The following BCL7C variants were observed in gnomAD, a reference collection of about 807,000 sequenced individuals.
BCL7C encodes the protein BAF chromatin remodeling complex subunit BCL7C, also known as B-cell CLL/lymphoma 7 protein family member C.
Under a neutral mutation model 26.2 loss-of-function variants are expected in BCL7C, and 8 were observed. The observed-to-expected ratio is 0.30, with a 90% CI of 0.18 to 0.55. BCL7C has a LOEUF of 0.55. Ranked by LOEUF, BCL7C falls within the 20% of genes least tolerant of loss-of-function variation. BCL7C has a pLI of 0.93. For missense variants in BCL7C, 262 were observed against 298.5 expected, an observed-to-expected ratio of 0.88 and a Z score of 0.90; for synonymous variants, 90 against 116.5, an observed-to-expected ratio of 0.77 and a Z score of 1.47.
chr16:30,847,841 G>T (rs1399307059), intron 5 of BCL7C, among the ~76,000 whole-genome samples: 1 of 151,888 alleles, frequency 6.6e-6, no homozygotes, highest in Non-Finnish European at 1.5e-5. Context: ...CCATGTTTCA[G>T]GGGGACAGAT....
downstream of BCL7C, among the ~76,000 whole-genome samples, chr16:30,885,592 C>T (rs923860759): frequency 2.6e-5 from 4 of 152,032 alleles, no homozygotes; most frequent in African/African-American, 7.3e-5. Context: ...TTAGTAGAGA[C>T]GGAGTTTCAC....
At chr16:30,865,294 C>T (rs1218524019) in intron 5 of BCL7C, among the ~76,000 whole-genome samples, 3 of 152,064 alleles carry the variant, frequency 2.0e-5, no homozygotes, top group Admixed American at 6.5e-5. Flanking sequence ...GCTGACTCCT[C>T]TTTCGGACTC....
chr16:30,840,260 C>T (rs2054594062), intron 5 of BCL7C, among the ~76,000 whole-genome samples: 1 of 141,590 alleles, frequency 7.1e-6, no homozygotes, highest in Non-Finnish European at 1.5e-5. Context: ...CTCTGTCGCT[C>T]AGGCTGGAGT....
chr16:30,866,567 A>G (rs1364561091), intron 5 of BCL7C, among the ~76,000 whole-genome samples: 1 of 144,082 alleles, frequency 6.9e-6, no homozygotes, highest in Non-Finnish European at 1.5e-5. Flanking sequence ...AAATAGCGAG[A>G]CTGTCTGGAA....
intron 5 of BCL7C, among the ~76,000 whole-genome samples, chr16:30,867,469 C>T (rs936298624): frequency 5.3e-5 from 8 of 151,996 alleles, no homozygotes; most frequent in African/African-American, 1.7e-4. Context: ...CCTTGAGATG[C>T]GGGTGGTCTT....
At chr16:30,877,565 G>C (rs533399466) in intron 5 of BCL7C, among the ~76,000 whole-genome samples, 1 of 151,648 alleles carries the variant, frequency 6.6e-6, no homozygotes, top group Non-Finnish European at 1.5e-5. Context: ...TCAGCCTCCC[G>C]AGTAGCTGGG....
intron 5 of BCL7C, among the ~76,000 whole-genome samples, chr16:30,853,943 C>T (rs1260109375): frequency 2.6e-5 from 4 of 152,186 alleles, no homozygotes; most frequent in African/African-American, 9.7e-5. Flanking sequence ...ATGGACCAAC[C>T]TTTTGAGTGT....
At chr16:30,855,957 G>A (rs2054716733) in intron 5 of BCL7C, among the ~76,000 whole-genome samples, 5 of 151,148 alleles carry the variant, frequency 3.3e-5, no homozygotes, top group Admixed American at 2.6e-4. Flanking sequence ...AGCTACTCAG[G>A]AGTCTGATGC....
At chr16:30,843,773 G>A (rs927655999) in intron 5 of BCL7C, among the ~76,000 whole-genome samples, 2 of 151,394 alleles carry the variant, frequency 1.3e-5, no homozygotes, top group Non-Finnish European at 2.9e-5. Context: ...GGCACTGTGG[G>A]TCATGCCTGT....
chr16:30,843,217 C>T (rs1475538862), intron 5 of BCL7C, among the ~76,000 whole-genome samples: 1 of 152,186 alleles, frequency 6.6e-6, no homozygotes, highest in Non-Finnish European at 1.5e-5. Context: ...ATGAGAGATA[C>T]TCCAGGAGGT....
chr16:30,888,493 C>T (rs779529023), intron 5 of BCL7C, among the ~76,000 whole-genome samples: 73 of 152,166 alleles, frequency 4.8e-4, no homozygotes, highest in Non-Finnish European at 7.9e-4. Flanking sequence ...CGTGCCACCA[C>T]GCCCGGCTAA....
intron 5 of BCL7C, among the ~76,000 whole-genome samples, chr16:30,871,519 C>T (rs902541745): frequency 6.6e-6 from 1 of 152,078 alleles, no homozygotes; most frequent in Non-Finnish European, 1.5e-5. Flanking sequence ...GAGTCTCACT[C>T]TGTCGCCCAG....
chr16:30,884,310 G>T (rs965829952), downstream of BCL7C, among the ~76,000 whole-genome samples: 1 of 151,930 alleles, frequency 6.6e-6, no homozygotes, highest in Non-Finnish European at 1.5e-5. Flanking sequence ...TCTGTCCCCA[G>T]CCTCAGGGAC....
chr16:30,857,742 G>A (rs375078346), intron 5 of BCL7C, among the ~76,000 whole-genome samples: 1 of 152,008 alleles, frequency 6.6e-6, no homozygotes, highest in Admixed American at 6.6e-5. Context: ...AGGCCAAGGC[G>A]GGTGGATCAC....
intron 2 of BCL7C, 51 bp from the exon 3 acceptor site, chr16:30,892,999 C>T (rs1038967149): frequency 1.3e-6 from 2 of 1,533,096 alleles, no homozygotes; most frequent in Non-Finnish European, 1.8e-6. Flanking sequence ...CCACCATACA[C>T]CTAAGGAAAC....
chr16:30,841,443 A>G (rs1425218946), intron 5 of BCL7C, among the ~76,000 whole-genome samples: 1 of 152,206 alleles, frequency 6.6e-6, no homozygotes, highest in Non-Finnish European at 1.5e-5. Flanking sequence ...GATGTAAGCA[A>G]ACTCACACTG....
At chr16:30,851,579 G>A in intron 5 of BCL7C, 1 of 378,792 alleles carries the variant, frequency 2.6e-6, no homozygotes, top group South Asian at 3.7e-5. Flanking sequence ...TGTGGTTGTT[G>A]TCATGGAGAA....
chr16:30,841,315 G>A (rs527690564), intron 5 of BCL7C, among the ~76,000 whole-genome samples: 1 of 152,184 alleles, frequency 6.6e-6, no homozygotes, highest in African/African-American at 2.4e-5. Context: ...ACTGTATTTG[G>A]AGAGGGTTTT....
At chr16:30,876,934 A>G (rs552067522) in intron 5 of BCL7C, among the ~76,000 whole-genome samples, 1 of 152,332 alleles carries the variant, frequency 6.6e-6, no homozygotes, top group African/African-American at 2.4e-5. Flanking sequence ...CAAGAAGCCC[A>G]TGTGGCTGGA....
Sources: gnomAD v4.1 joint callset for allele counts (sites outside exome capture counted in the v4.1 genomes callset) on GRCh38, gnomAD v4.1.1 for gene constraint, MANE v1.5 for transcripts, NCBI Gene and HGNC (gene_info 2026-07-23, HGNC 2026-07-21) for gene names.